Variants in THSD7B observed in about 807,000 individuals in gnomAD.
The protein encoded by THSD7B is thrombospondin type-1 domain-containing protein 7B.
THSD7B carries 138 observed loss-of-function variants against 213.6 expected under a neutral mutation model. The ratio of observed to expected loss-of-function variants is 0.65; its 90% CI spans 0.56 to 0.74. The LOEUF is 0.74. THSD7B is among the 30% of genes least tolerant of loss of function. THSD7B has a pLI of 0.00. For synonymous variants in THSD7B, 742 were observed against 687.0 expected (o/e 1.08, Z -1.25); for missense variants, 1,931 against 1,991.5 (o/e 0.97, Z 0.58).
chr2:137,566,173 T>G (rs2105227346), intron 16 of THSD7B, among the ~76,000 whole-genome samples: 1 of 152,282 alleles, frequency 6.6e-6, no homozygotes, highest in Non-Finnish European at 1.5e-5. Flanking sequence ...TCAAAAATAC[T>G]TGTGAATATT....
chr2:136,782,372 T>C (rs983498198), intron 1 of THSD7B, among the ~76,000 whole-genome samples: 4 of 152,190 alleles, frequency 2.6e-5, no homozygotes, highest in Non-Finnish European at 5.9e-5. Context: ...CTTTCCTCCT[T>C]CTTAGCTGTA....
intron 15 of THSD7B, among the ~76,000 whole-genome samples, chr2:137,541,650 A>G (rs1680611597): frequency 6.6e-6 from 1 of 151,776 alleles, no homozygotes; most frequent in Non-Finnish European, 1.5e-5. Context: ...CTGTAATGTT[A>G]GACAAAGATT....
intron 12 of THSD7B, among the ~76,000 whole-genome samples, chr2:137,329,275 G>A (rs1377009674): frequency 6.6e-6 from 1 of 152,216 alleles, no homozygotes; most frequent in Non-Finnish European, 1.5e-5. Flanking sequence ...CTCTTGTTAT[G>A]TAAAGAGACT....
intron 5 of THSD7B, among the ~76,000 whole-genome samples, chr2:137,132,510 A>G (rs186114926): frequency 6.6e-6 from 1 of 152,258 alleles, no homozygotes; most frequent in East Asian, 1.9e-4. Context: ...TTATCAATAT[A>G]TTAACTGTGC....
At chr2:137,542,019 A>G (rs1558832762) in intron 15 of THSD7B, among the ~76,000 whole-genome samples, 2 of 151,594 alleles carry the variant, frequency 1.3e-5, no homozygotes, top group African/African-American at 4.8e-5. Context: ...AAGAGGAGAG[A>G]TGGAAAGGGG....
intron 2 of THSD7B, among the ~76,000 whole-genome samples, chr2:136,968,828 C>G (rs1011607495): frequency 1.3e-5 from 2 of 152,102 alleles, no homozygotes; most frequent in African/African-American, 4.8e-5. Context: ...TTTTTCTCCT[C>G]TCCCATCTGT....
intron 1 of THSD7B, among the ~76,000 whole-genome samples, chr2:136,867,871 T>C (rs1423143082): frequency 6.6e-6 from 1 of 152,208 alleles, no homozygotes; most frequent in Non-Finnish European, 1.5e-5. Flanking sequence ...ATTTAGAAAG[T>C]ATTTGTGTGT....
At chr2:137,581,081 T>A (rs981970718) in intron 17 of THSD7B, among the ~76,000 whole-genome samples, 1 of 152,204 alleles carries the variant, frequency 6.6e-6, no homozygotes, top group Non-Finnish European at 1.5e-5. Flanking sequence ...AAATACTCAT[T>A]GTGTATTATC....
intron 17 of THSD7B, among the ~76,000 whole-genome samples, chr2:137,603,860 C>T (rs1682120485): frequency 6.6e-6 from 1 of 152,104 alleles, no homozygotes; most frequent in Non-Finnish European, 1.5e-5. Context: ...CCTGTAATCC[C>T]AACACTTTGG....
At chr2:137,551,137 A>T (rs1038772314) in intron 15 of THSD7B, among the ~76,000 whole-genome samples, 13 of 152,092 alleles carry the variant, frequency 8.5e-5, no homozygotes, top group Non-Finnish European at 1.8e-4. Flanking sequence ...TTCTTCAAAA[A>T]ATTATCCTTC....
chr2:137,362,654 G>T (rs946949227), intron 12 of THSD7B, among the ~76,000 whole-genome samples: 1 of 152,100 alleles, frequency 6.6e-6, no homozygotes, highest in Non-Finnish European at 1.5e-5. Flanking sequence ...ATTACATAAT[G>T]GTAAAGGGAT....
At position 137,016,614 on chromosome 2, in the gene THSD7B, G is replaced by C. The variant is rs548730209; in HGVS notation, c.140-39806G>C. ...ATTATGTGTTATTTAATTCTCATGG[G>C]TATTATCATAGTTTATTTCCTTAAC... On this transcript the variant is annotated intron_variant, in intron 2 of 27. Transcript: ENST00000409968. 3.9e-5 allele frequency among the ~76,000 whole-genome samples: 6 copies of C among 152,238 alleles called. No individual in the cohort carries two copies. The East Asian group carries it at 1.2e-3, about 29-fold the overall frequency.
chr2:136,819,607 T>G (rs1682537543), intron 1 of THSD7B, among the ~76,000 whole-genome samples: 1 of 152,102 alleles, frequency 6.6e-6, no homozygotes. Flanking sequence ...ACATGGGACT[T>G]GGGATGGCCA....
chr2:137,053,335 T>C (rs534692992), intron 2 of THSD7B, among the ~76,000 whole-genome samples: 38 of 152,298 alleles, frequency 2.5e-4, no homozygotes, highest in African/African-American at 8.9e-4. Flanking sequence ...TCTTCAAATA[T>C]AGCAATTTTA....
chr2:137,039,871 T>C (rs1686848837), intron 2 of THSD7B, among the ~76,000 whole-genome samples: 1 of 152,216 alleles, frequency 6.6e-6, no homozygotes, highest in Admixed American at 6.5e-5. Flanking sequence ...TTAAGGCTGA[T>C]TTATCAGGCA....
intron 10 of THSD7B, among the ~76,000 whole-genome samples, chr2:137,258,038 A>G (rs1462657853): frequency 6.6e-6 from 1 of 152,142 alleles, no homozygotes; most frequent in Non-Finnish European, 1.5e-5. Flanking sequence ...TTGGTAAATG[A>G]CTGACATGGT....
intron 2 of THSD7B, among the ~76,000 whole-genome samples, chr2:136,928,108 A>G (rs772150386): frequency 3.3e-5 from 5 of 152,208 alleles, no homozygotes; most frequent in South Asian, 2.1e-4. Context: ...TCTTGAAAAT[A>G]TCATAAGTAG....
intron 10 of THSD7B, among the ~76,000 whole-genome samples, chr2:137,255,765 A>G (rs1254830291): frequency 5.9e-5 from 9 of 152,048 alleles, no homozygotes; most frequent in African/African-American, 1.5e-4. Flanking sequence ...ATGGGGTGCA[A>G]TGATGCAGTC....
intron 15 of THSD7B, among the ~76,000 whole-genome samples, chr2:137,487,096 C>T (rs1215353694): frequency 8.7e-5 from 13 of 150,092 alleles, no homozygotes; most frequent in African/African-American, 3.0e-4. Context: ...AGGCCGGGCG[C>T]GGTGGCTCAC....
Sources: gnomAD v4.1 joint callset for allele counts (sites outside exome capture counted in the v4.1 genomes callset) on GRCh38, gnomAD v4.1.1 for gene constraint, MANE v1.5 for transcripts, NCBI Gene and HGNC (gene_info 2026-07-23, HGNC 2026-07-21) for gene names.